SCN2A: variants seen among roughly 807,000 people sequenced by gnomAD.
SCN2A encodes sodium channel protein type 2 subunit alpha.
A neutral mutation model predicts 188.7 loss-of-function variants in SCN2A; 20 were observed. That is an observed-to-expected ratio of 0.11 (90% CI 0.07 to 0.15). The LOEUF (loss-of-function observed/expected upper bound fraction) is 0.15, where lower values mean the gene tolerates loss of function less well. SCN2A is among the 10% of genes least tolerant of loss of function. The pLI, the probability that SCN2A is intolerant of heterozygous loss-of-function variation, is 1.00. For synonymous variants in SCN2A, 804 were observed against 833.1 expected (o/e 0.97, Z 0.60); for missense variants, 1,278 against 2,445.0 (o/e 0.52, Z 10.07).
rs1698376645 is a variant in SCN2A at position 165,326,700 on chromosome 2, CAAAGA to C, written c.2017-150_2017-146del. On this transcript the variant is annotated intron_variant, in intron 12 of 26. Coordinates refer to ENST00000375437, the MANE Select transcript of SCN2A (RefSeq NM_001040142.2). ...ATCTGACAGACTTTTAAACAACCCC[CAAAGA>C]ATTATCATTCCAACAATATCTTAGT... The C allele has an allele frequency of 1.1e-5, 11 of 994,572 alleles. No homozygotes were observed. The East Asian group carries it at 2.9e-4, about 26-fold the overall frequency. The allele number at this position is 994,572 out of a possible 1,614,324, so 61.6% of individuals were successfully genotyped here.
At chr2:165,313,487 C>T in intron 8 of SCN2A, 133 bp from the exon 9 acceptor site, 1 of 896,312 alleles carries the variant, frequency 1.1e-6, no homozygotes, top group East Asian at 2.5e-5. Context: ...GAGTTAAGTA[C>T]TGGGTAAGGT....
At chr2:165,352,808 C>T (rs1699994223) in intron 16 of SCN2A, among the ~76,000 whole-genome samples, 1 of 152,122 alleles carries the variant, frequency 6.6e-6, no homozygotes, top group Non-Finnish European at 1.5e-5. Context: ...TCATTATGTA[C>T]ATGCAAATAT....
chr2:165,328,501 G>A (rs988883951), intron 13 of SCN2A: 15 of 985,824 alleles, frequency 1.5e-5, no homozygotes, highest in African/African-American at 1.7e-5. Context: ...TCAGCAGCAT[G>A]TCTGCTCCCT....
chr2:165,334,885 A>G (rs1381517124), intron 14 of SCN2A, among the ~76,000 whole-genome samples: 1 of 151,838 alleles, frequency 6.6e-6, no homozygotes, highest in East Asian at 1.9e-4. Context: ...ACACACACAC[A>G]CACAGCTGTT....
intron 17 of SCN2A, among the ~76,000 whole-genome samples, chr2:165,358,699 C>T (rs1200911255): frequency 6.6e-6 from 1 of 151,894 alleles, no homozygotes; most frequent in Non-Finnish European, 1.5e-5. Context: ...TGCTTTCTCT[C>T]CCCTCTATTT....
intron 16 of SCN2A, among the ~76,000 whole-genome samples, chr2:165,351,249 A>G (rs1238707812): frequency 6.6e-6 from 1 of 152,194 alleles, no homozygotes; most frequent in Non-Finnish European, 1.5e-5. Flanking sequence ...GTATTAATAA[A>G]CGCGGTTTCA....
intron 17 of SCN2A, among the ~76,000 whole-genome samples, chr2:165,354,997 C>T (rs1424252491): frequency 6.6e-6 from 1 of 152,132 alleles, no homozygotes; most frequent in African/African-American, 2.4e-5. Flanking sequence ...TTGTAATTTG[C>T]CCACAACAGT....
At chr2:165,336,075 T>C (rs543592775) in intron 14 of SCN2A, among the ~76,000 whole-genome samples, 20 of 151,962 alleles carry the variant, frequency 1.3e-4, no homozygotes, top group Admixed American at 1.1e-3. Context: ...CTAAGATGGC[T>C]ATAATCAGAA....
intron 1 of SCN2A, among the ~76,000 whole-genome samples, chr2:165,262,845 G>T (rs2106089652): frequency 6.6e-6 from 1 of 152,194 alleles, no homozygotes; most frequent in Non-Finnish European, 1.5e-5. Context: ...AGTAATGGTT[G>T]TACTAGTTTA....
In SCN2A at chr2:165,323,386, G is replaced by T; in HGVS notation, c.1902G>T (p.Val634=). The T allele has an allele frequency of 6.2e-7, 1 of 1,614,172 alleles. No individual in the cohort carries two copies. The highest frequency in any genetic ancestry group is 8.5e-7 in the Non-Finnish European group (1 of 1,180,018). Residue 634 remains valine (V), a synonymous_variant, in exon 12 of 27, where the codon GTG becomes GTT. Coordinates refer to ENST00000375437, the MANE Select transcript of SCN2A (RefSeq NM_001040142.2). The stretch of plus-strand genomic sequence containing the variant: ...GCCAGGCCAGCCGTGCCTCCAGGGT[G>T]CTCCCCATCCTGCCCATGAATGGGA... ...NVSQASRASR[V]LPILPMNGKM...
At chr2:165,268,427 T>C (rs1378092983) in intron 1 of SCN2A, 1 of 151,772 alleles carries the variant, frequency 6.6e-6, no homozygotes, top group African/African-American at 2.4e-5. Flanking sequence ...CAATTAAAAA[T>C]AAAAATCATA....
In SCN2A at chr2:165,344,134, A is replaced by G. The variant is rs575078965; in HGVS notation, c.2563-421A>G. On this transcript the variant is annotated intron_variant, in intron 15 of 26. Coordinates refer to ENST00000375437, the MANE Select transcript of SCN2A (RefSeq NM_001040142.2). ...ATTCCTTAAGGAGAAACAAAAGTGT[A>G]TATTACATATGCTTATGTAGGATAC... Among the ~76,000 whole-genome samples, 178 of 152,294 alleles carry G rather than the reference A, an allele frequency of 1.2e-3. 1 individual carries two copies. In the East Asian group the frequency reaches 0.016, roughly 14 times the overall value.
At chr2:165,327,503 A>T (rs7596560) in intron 13 of SCN2A, 20 of 166,002 alleles carry the variant, frequency 1.2e-4, no homozygotes, top group Admixed American at 5.3e-4. Flanking sequence ...CTTTAGTTGC[A>T]GATTTTATCT....
At chr2:165,350,114 G>A (rs1035459667) in intron 16 of SCN2A, among the ~76,000 whole-genome samples, 2 of 152,138 alleles carry the variant, frequency 1.3e-5, no homozygotes, top group Admixed American at 6.5e-5. Context: ...ACCCTTCATT[G>A]GTTGAAGATA....
intron 1 of SCN2A, chr2:165,274,284 T>A (rs1440346282): frequency 6.6e-6 from 1 of 151,120 alleles, no homozygotes; most frequent in Non-Finnish European, 1.5e-5. Context: ...CTCCCAATAA[T>A]CTGAATTTAT....
At chr2:165,291,478 C>CTTTCTTTCTTTCT (rs1384622341) in intron 1 of SCN2A, among the ~76,000 whole-genome samples, 1 of 47,606 alleles carries the variant, frequency 2.1e-5, no homozygotes, top group African/African-American at 7.6e-5. Flanking sequence ...TTCTTTCTTT[C>CTTTCTTTCTTTCT]TTTCTTTCTT....
chr2:165,359,719 A>C (rs947728764), intron 17 of SCN2A, among the ~76,000 whole-genome samples: 1 of 152,032 alleles, frequency 6.6e-6, no homozygotes, highest in Non-Finnish European at 1.5e-5. Context: ...TGTAGTCCTC[A>C]TGGGAAAGTT....
intron 1 of SCN2A, chr2:165,294,013 A>T (rs1279095751): frequency 3.7e-5 from 22 of 589,428 alleles, no homozygotes; most frequent in African/African-American, 1.8e-4. Flanking sequence ...GGAGAATTAA[A>T]AAAAAAAAAA....
At chr2:165,279,745 G>T (rs541804140) in intron 1 of SCN2A, among the ~76,000 whole-genome samples, 2 of 152,226 alleles carry the variant, frequency 1.3e-5, no homozygotes, top group East Asian at 1.9e-4. Flanking sequence ...GAGATTAGTG[G>T]AAGGAGGAGG....
Sources: allele counts gnomAD v4.1 joint callset (sites outside exome capture counted in the v4.1 genomes callset), GRCh38; gene constraint gnomAD v4.1.1; transcripts MANE v1.5; gene names NCBI Gene and HGNC (gene_info 2026-07-23, HGNC 2026-07-21).